The following PCDHA11 variants were observed in gnomAD, a reference collection of about 807,000 sequenced individuals.
The protein encoded by PCDHA11 is protocadherin alpha 11.
In PCDHA11, 61 loss-of-function variants were observed where a neutral mutation model predicts 70.3. The ratio of observed to expected loss-of-function variants is 0.87; its 90% CI spans 0.71 to 1.07. The LOEUF (loss-of-function observed/expected upper bound fraction) is 1.07, where lower values mean the gene tolerates loss of function less well. Among genes scored for constraint, PCDHA11 ranks in the 50% least tolerant of loss-of-function variants. The pLI, the probability that PCDHA11 is intolerant of heterozygous loss-of-function variation, is 0.00. For missense variants in PCDHA11, 1,324 were observed against 1,237.5 expected (o/e 1.07, Z -1.05); for synonymous variants, 633 against 555.1 (o/e 1.14, Z -1.97).
intron 3 of PCDHA11, among the ~76,000 whole-genome samples, chr5:141,006,150 G>A (rs1035867146): frequency 1.1e-4 from 16 of 151,274 alleles, no homozygotes; most frequent in Admixed American, 6.6e-5. Flanking sequence ...AAGCAGAGGA[G>A]TGATATAATC....
chr5:140,884,961 C>A (rs1454276450), intron 1 of PCDHA11, among the ~76,000 whole-genome samples: 1 of 152,126 alleles, frequency 6.6e-6, no homozygotes, highest in Non-Finnish European at 1.5e-5. Context: ...AAATTCCTCA[C>A]GTTGTGAGAA....
chr5:140,976,466 G>C (rs1404890940), intron 1 of PCDHA11, among the ~76,000 whole-genome samples: 1 of 152,104 alleles, frequency 6.6e-6, no homozygotes, highest in African/African-American at 2.4e-5. Flanking sequence ...AAGAAGAATT[G>C]CTTGAATCCG....
intron 1 of PCDHA11, among the ~76,000 whole-genome samples, chr5:140,935,702 T>C (rs975188692): frequency 1.3e-5 from 2 of 152,152 alleles, no homozygotes; most frequent in Admixed American, 1.3e-4. Context: ...AATAAACTTA[T>C]AAAACAAAAT....
intron 1 of PCDHA11, chr5:140,876,550 C>T: frequency 6.2e-7 from 1 of 1,614,186 alleles, no homozygotes; most frequent in Non-Finnish European, 8.5e-7. Context: ...GCTCCCTGTG[C>T]AAGAGGATGC....
At chr5:141,007,019 A>G (rs1230035062) in intron 3 of PCDHA11, among the ~76,000 whole-genome samples, 1 of 152,192 alleles carries the variant, frequency 6.6e-6, no homozygotes, top group African/African-American at 2.4e-5. Flanking sequence ...CAGCTTATTC[A>G]TATGGTATTT....
chr5:141,000,389 C>CTATATA (rs2097911342), intron 3 of PCDHA11, among the ~76,000 whole-genome samples: 2 of 62,586 alleles, frequency 3.2e-5, no homozygotes, highest in African/African-American at 7.0e-5. Flanking sequence ...CTCTCTCTCT[C>CTATATA]TCTCTCTATA....
At chr5:140,947,374 T>C (rs1252253428) in intron 1 of PCDHA11, among the ~76,000 whole-genome samples, 7 of 151,768 alleles carry the variant, frequency 4.6e-5, no homozygotes, top group Admixed American at 4.6e-4. Context: ...TTGATCTATA[T>C]GTTTATCCTT....
At chr5:140,909,977 G>A (rs1554194042) in intron 1 of PCDHA11, among the ~76,000 whole-genome samples, 2 of 152,214 alleles carry the variant, frequency 1.3e-5, no homozygotes, top group African/African-American at 4.8e-5. Flanking sequence ...AAGGATGGGA[G>A]AAAGACTAAC....
At chr5:140,968,106 C>T (rs1554230344) in intron 1 of PCDHA11, 8 of 1,614,016 alleles carry the variant, frequency 5.0e-6, no homozygotes, top group East Asian at 2.2e-5. Flanking sequence ...GGGGGAATAC[C>T]GCAGCTCACA....
intron 1 of PCDHA11, chr5:140,968,553 G>A (rs782583876): frequency 4.3e-6 from 7 of 1,614,132 alleles, no homozygotes; most frequent in South Asian, 2.2e-5. Context: ...ATGGTGCCTC[G>A]AACTGCCCCT....
Position 140,883,404 on chromosome 5 carries a change from C to G in PCDHA11, c.2391+11910C>G, listed in dbSNP as rs199942713. On this transcript the variant is annotated intron_variant, in intron 1 of 3. Transcript: ENST00000398640. ...CTAATCAGTGTGTCCGATCGTGACT[C>G]TGGCTCAAATGGACAGGTCACCTGC... 3 of 1,614,104 alleles carry G rather than the reference C, an allele frequency of 1.9e-6. No homozygotes were observed. The African/African-American group carries it at 4.0e-5, about 22-fold the overall frequency.
chr5:140,915,918 T>A (rs1295505621), intron 1 of PCDHA11, among the ~76,000 whole-genome samples: 1 of 152,188 alleles, frequency 6.6e-6, no homozygotes, highest in Admixed American at 6.5e-5. Flanking sequence ...CCAGAGATGC[T>A]ACTTGGGAGT....
chr5:140,939,499 A>G (rs1467638389), intron 1 of PCDHA11, among the ~76,000 whole-genome samples: 1 of 152,234 alleles, frequency 6.6e-6, no homozygotes, highest in African/African-American at 2.4e-5. Flanking sequence ...TATAAATTCA[A>G]TGTCTATAAC....
At chr5:140,939,104 T>G (rs2092317491) in intron 1 of PCDHA11, among the ~76,000 whole-genome samples, 1 of 152,160 alleles carries the variant, frequency 6.6e-6, no homozygotes, top group South Asian at 2.1e-4. Context: ...CAATAGAAAT[T>G]TATTTTTCAC....
intron 1 of PCDHA11, chr5:140,928,209 T>C: frequency 6.2e-7 from 1 of 1,614,222 alleles, no homozygotes; most frequent in South Asian, 1.1e-5. Flanking sequence ...CTGATGTGAA[T>C]GACAATACAC....
chr5:140,890,043 G>GT (rs1255415089), intron 1 of PCDHA11, among the ~76,000 whole-genome samples: 1 of 152,192 alleles, frequency 6.6e-6, no homozygotes, highest in Non-Finnish European at 1.5e-5. Context: ...ACTGTAGTGT[G>GT]TTGGAGCTGG....
chr5:140,965,174 C>CT (rs1213439654), intron 1 of PCDHA11, among the ~76,000 whole-genome samples: 4 of 152,228 alleles, frequency 2.6e-5, no homozygotes, highest in Non-Finnish European at 2.9e-5. Flanking sequence ...TTAGTGAGTG[C>CT]TTTTTTTGCA....
intron 1 of PCDHA11, among the ~76,000 whole-genome samples, chr5:140,924,409 T>C (rs1554201915): frequency 6.6e-6 from 1 of 152,186 alleles, no homozygotes; most frequent in Non-Finnish European, 1.5e-5. Flanking sequence ...TATATCACAG[T>C]GTGCCCTTTC....
intron 1 of PCDHA11, among the ~76,000 whole-genome samples, chr5:140,951,339 G>A (rs246043): frequency 0.56 from 85,609 of 151,878 alleles, 24,748 homozygotes; most frequent in African/African-American, 0.69. Context: ...TTCTGTTTGT[G>A]TTAGTCCATT....
Sources: allele counts gnomAD v4.1 joint callset (sites outside exome capture counted in the v4.1 genomes callset), GRCh38; gene constraint gnomAD v4.1.1; transcripts MANE v1.5; gene names NCBI Gene and HGNC (gene_info 2026-07-23, HGNC 2026-07-21).